Variants in STARD8 observed in about 807,000 individuals in gnomAD.
STARD8 encodes the protein stAR-related lipid transfer protein 8.
A neutral mutation model predicts 69.4 loss-of-function variants in STARD8; 25 were observed. The observed-to-expected ratio is 0.36, with a 90% confidence interval of 0.26 to 0.50. The LOEUF (loss-of-function observed/expected upper bound fraction) is 0.50, where lower values mean the gene tolerates loss of function less well. Among genes scored for constraint, STARD8 ranks in the 20% least tolerant of loss-of-function variants. The pLI is 0.96. For missense variants in STARD8, 921 were observed against 932.5 expected, an observed-to-expected ratio of 0.99 and a Z score of 0.16; for synonymous variants, 389 against 374.6, an observed-to-expected ratio of 1.04 and a Z score of -0.45.
chrX:68,683,931 C>T (rs2079815102), intron 2 of STARD8, among the ~76,000 whole-genome samples: 1 of 112,283 alleles, frequency 8.9e-6, no homozygotes, highest in Non-Finnish European at 1.9e-5. Context: ...CCTGCCACTG[C>T]CACTTATGAG....
intron 2 of STARD8, among the ~76,000 whole-genome samples, chrX:68,678,817 T>A (rs954045954): frequency 6.2e-5 from 7 of 112,096 alleles, no homozygotes; most frequent in African/African-American, 2.3e-4. Context: ...ACAATAAGAA[T>A]AAACCTAAGT....
At chrX:68,710,004 C>G (rs762622336) in intron 2 of STARD8, among the ~76,000 whole-genome samples, 1 of 111,999 alleles carries the variant, frequency 8.9e-6, no homozygotes, top group Non-Finnish European at 1.9e-5. Context: ...TGTGACTCCA[C>G]TAGACCAGAA....
At chrX:68,653,277 C>G (rs1602535976) in intron 1 of STARD8, among the ~76,000 whole-genome samples, 4 of 51,655 alleles carry the variant, frequency 7.7e-5, no homozygotes, top group South Asian at 1.3e-3. Context: ...ACACACCACA[C>G]CACACACACA....
At chrX:68,686,571 C>T (rs1366416572) in intron 2 of STARD8, among the ~76,000 whole-genome samples, 1 of 113,106 alleles carries the variant, frequency 8.8e-6, no homozygotes, top group African/African-American at 3.2e-5. Flanking sequence ...AGCCAGGCAG[C>T]CCCAGGCGGG....
chrX:68,689,596 G>C (rs1360175793), intron 2 of STARD8, among the ~76,000 whole-genome samples: 17 of 112,577 alleles, frequency 1.5e-4, no homozygotes, highest in Non-Finnish European at 3.0e-4. Context: ...CCCCACACCT[G>C]TATGTCTGAG....
In STARD8 at chrX:68,717,541, C is replaced by A. The variant is rs1446867671; in HGVS notation, c.627C>A (p.Phe209Leu). 3.3e-6 allele frequency: 4 copies of A among 1,209,709 alleles called. No individual in the cohort carries two copies. The East Asian group carries it at 1.2e-4, about 36-fold the overall frequency. The change falls in exon 6 of 15, where the codon TTC becomes TTA. Residue 209 changes from phenylalanine to leucine, a missense_variant. Coordinates refer to ENST00000374599, the MANE Select transcript of STARD8 (RefSeq NM_001142503.3). ...AGAAGCGCCATCGTAACCGTAGCTTCCTCAAGCACCTTGAATCTCTGAGGC... is the reference window on the plus strand; with the variant it reads ...AGAAGCGCCATCGTAACCGTAGCTTACTCAAGCACCTTGAATCTCTGAGGC... ...KAKKRHRNRS[F>L]LKHLESLRRK... is the part of the protein sequence containing the mutation.
At chrX:68,716,572 A>G in intron 5 of STARD8, 141 bp downstream of exon 5, 2 of 563,029 alleles carry the variant, frequency 3.6e-6, no homozygotes, top group Non-Finnish European at 5.5e-6. Context: ...AGCTAGGGGT[A>G]GAGATGGAGG....
intron 2 of STARD8, among the ~76,000 whole-genome samples, chrX:68,707,830 A>G (rs1451806987): frequency 9.0e-6 from 1 of 111,302 alleles, no homozygotes; most frequent in Non-Finnish European, 1.9e-5. Flanking sequence ...CTTATAACCC[A>G]CTGAGTGACC....
At chrX:68,667,418 A>G (rs186694320) in intron 2 of STARD8, among the ~76,000 whole-genome samples, 74 of 112,296 alleles carry the variant, frequency 6.6e-4, no homozygotes, top group Non-Finnish European at 1.1e-3. Flanking sequence ...TAAAAATGTC[A>G]AAGTACTGAA....
At chrX:68,693,289 C>A (rs1459710562) in intron 2 of STARD8, among the ~76,000 whole-genome samples, 1 of 112,721 alleles carries the variant, frequency 8.9e-6, no homozygotes, top group African/African-American at 3.2e-5. Flanking sequence ...TCTGGACATC[C>A]CATAAATTAT....
At chrX:68,674,910 G>A (rs1225467164) in intron 2 of STARD8, among the ~76,000 whole-genome samples, 1 of 105,371 alleles carries the variant, frequency 9.5e-6, no homozygotes, top group Non-Finnish European at 1.9e-5. Context: ...AGCCTCCCAA[G>A]TAGCTGGGAT....
At position 68,725,298 on chromosome X, in the gene STARD8, A is replaced by T. The variant is rs2080190545; in HGVS notation, c.*876A>T. On this transcript the variant is annotated 3_prime_UTR_variant, in exon 15 of 15. Coordinates refer to ENST00000374599, the MANE Select transcript of STARD8 (RefSeq NM_001142503.3). ...TTGCTTATGGTAGTGGGCTAACATA[A>T]CAGCCCCTTTCTCAAGCAGAGACCT... 9.2e-6 allele frequency: 1 copy of T among 109,120 alleles called. No individual in the cohort carries two copies. Among genetic ancestry groups the T allele is most frequent in the African/African-American group, 3.3e-5 (1 of 29,978 alleles). The allele number at this position is 109,120 out of a possible 1,213,427, so 9.0% of individuals were successfully genotyped here. A position where few individuals can be genotyped will look rare whatever the true frequency, so the allele number is the denominator to read the frequency against.
intron 2 of STARD8, among the ~76,000 whole-genome samples, chrX:68,680,858 G>A (rs985244918): frequency 9.0e-6 from 1 of 110,846 alleles, no homozygotes; most frequent in African/African-American, 3.3e-5. Context: ...AGCGAGGCAG[G>A]GTGAAGGGGT....
chrX:68,721,085 C>T lies in STARD8; in HGVS notation c.2211C>T (p.Thr737=), dbSNP rs750272374. The stretch of plus-strand genomic sequence containing the variant: ...GGGACCTGCCTGAGCCCATCTTCAC[C>T]AGCAAGCTCACCACCACTTTCCTCC... The part of the protein sequence containing the change: ...YFRDLPEPIF[T]SKLTTTFLQI... Residue 737 remains threonine, a synonymous_variant, in exon 9 of 15, where the codon ACC becomes ACT. Coordinates refer to ENST00000374599, the MANE Select transcript of STARD8 (RefSeq NM_001142503.3). 17 of 1,212,146 alleles carry T rather than the reference C, an allele frequency of 1.4e-5. No individual in the cohort carries two copies. The South Asian group carries it at 2.5e-4, about 18-fold the overall frequency.
intron 1 of STARD8, among the ~76,000 whole-genome samples, chrX:68,661,424 C>G (rs2079643858): frequency 8.9e-6 from 1 of 112,048 alleles, no homozygotes; most frequent in South Asian, 3.7e-4. Flanking sequence ...CATGATCTGC[C>G]TTTTATTTTT....
intron 1 of STARD8, among the ~76,000 whole-genome samples, chrX:68,657,127 A>G (rs2079616113): frequency 8.9e-6 from 1 of 112,065 alleles, no homozygotes; most frequent in African/African-American, 3.2e-5. Context: ...ATATGTATAA[A>G]GCTCTTAGAA....
intron 2 of STARD8, among the ~76,000 whole-genome samples, chrX:68,684,413 A>T (rs929762729): frequency 1.8e-5 from 2 of 112,381 alleles, no homozygotes; most frequent in Non-Finnish European, 3.8e-5. Flanking sequence ...ATGCCTTAGC[A>T]GGGTGGGAAG....
chrX:68,672,716 CCA>C (rs775220724), intron 2 of STARD8, among the ~76,000 whole-genome samples: 35 of 109,283 alleles, frequency 3.2e-4, no homozygotes, highest in African/African-American at 1.1e-3. Context: ...AAACAGCGCC[CCA>C]CCCCCCATGG....
chrX:68,653,025 C>A (rs1487238299), intron 1 of STARD8, among the ~76,000 whole-genome samples: 3 of 14,968 alleles, frequency 2.0e-4, no homozygotes, highest in Non-Finnish European at 2.6e-4. Context: ...ACACACACAC[C>A]CCACACACCA....
Sources: gnomAD v4.1 joint callset for allele counts (sites outside exome capture counted in the v4.1 genomes callset) on GRCh38, gnomAD v4.1.1 for gene constraint, MANE v1.5 for transcripts, NCBI Gene and HGNC (gene_info 2026-07-23, HGNC 2026-07-21) for gene names.